The following SCHIP1 variants were observed in gnomAD, a reference collection of about 807,000 sequenced individuals.
The protein encoded by SCHIP1 is schwannomin interacting protein 1.
In SCHIP1, 8 loss-of-function variants were observed where a neutral mutation model predicts 29.7. The observed-to-expected ratio is 0.27, with a 90% CI of 0.16 to 0.49. SCHIP1 has a LOEUF of 0.49. SCHIP1 is among the 20% of genes least tolerant of loss of function. The probability of loss-of-function intolerance (pLI) is 0.99; values close to 1 mark genes in which losing one functional copy is unlikely to be tolerated. For synonymous variants in SCHIP1, 76 were observed against 94.9 expected, an observed-to-expected ratio of 0.80 and a Z score of 1.16; for missense variants, 193 against 294.6, an observed-to-expected ratio of 0.66 and a Z score of 2.52.
At chr3:159,586,756 C>A in the SCHIP1 span, among the ~76,000 whole-genome samples, 12 of 152,154 alleles carry the variant, frequency 7.9e-5, no homozygotes, top group African/African-American at 2.6e-4. Flanking sequence ...TCTGCAGACC[C>A]CATGGCTGCT....
At chr3:159,663,768 C>T in the SCHIP1 span, among the ~76,000 whole-genome samples, 7 of 152,068 alleles carry the variant, frequency 4.6e-5, no homozygotes, top group African/African-American at 1.2e-4. Flanking sequence ...GGACAAGCCC[C>T]GGGACAGAAA....
At chr3:159,468,480 A>G in the SCHIP1 span, among the ~76,000 whole-genome samples, 1 of 151,968 alleles carries the variant, frequency 6.6e-6, no homozygotes, top group African/African-American at 2.4e-5. Context: ...TAATTTTTAT[A>G]AAGTACTCAT....
the SCHIP1 span, among the ~76,000 whole-genome samples, chr3:159,655,732 A>C: frequency 6.6e-6 from 1 of 152,090 alleles, no homozygotes; most frequent in African/African-American, 2.4e-5. Context: ...TACTAAATAT[A>C]CAAAAAATTA....
At chr3:159,457,551 T>A in the SCHIP1 span, among the ~76,000 whole-genome samples, 1 of 152,106 alleles carries the variant, frequency 6.6e-6, no homozygotes, top group Non-Finnish European at 1.5e-5. Flanking sequence ...ATAAAGAGAA[T>A]GTTTAGTTTT....
chr3:159,376,755 C>T, the SCHIP1 span, among the ~76,000 whole-genome samples: 1 of 152,166 alleles, frequency 6.6e-6, no homozygotes, highest in Non-Finnish European at 1.5e-5. Flanking sequence ...GATTCTGGTA[C>T]TTGCCCACCT....
the SCHIP1 span, among the ~76,000 whole-genome samples, chr3:159,392,673 T>C: frequency 2.0e-5 from 3 of 152,024 alleles, no homozygotes; most frequent in Non-Finnish European, 2.9e-5. Context: ...TAGTATTCCA[T>C]GGTGTATATG....
chr3:159,893,133 G>A (rs1425136604), intron 6 of SCHIP1: 1 of 148,462 alleles, frequency 6.7e-6, no homozygotes, highest in Admixed American at 6.6e-5. Context: ...TGTAATGCTG[G>A]GTAAAATAAT....
intron 6 of SCHIP1, among the ~76,000 whole-genome samples, chr3:159,895,375 A>G (rs1717960436): frequency 6.6e-6 from 1 of 152,198 alleles, no homozygotes; most frequent in Non-Finnish European, 1.5e-5. Flanking sequence ...GTTCAACTTG[A>G]CATCACTGAC....
At chr3:159,871,188 T>A (rs1463902710) in intron 2 of SCHIP1, among the ~76,000 whole-genome samples, 2 of 152,060 alleles carry the variant, frequency 1.3e-5, no homozygotes. Context: ...TGCCCACCAA[T>A]AACTAAGTAT....
chr3:159,321,855 T>G, the SCHIP1 span, among the ~76,000 whole-genome samples: 1 of 152,134 alleles, frequency 6.6e-6, no homozygotes, highest in African/African-American at 2.4e-5. Context: ...ATAATGAAGA[T>G]TTTGAATTTC....
chr3:159,594,657 C>T, the SCHIP1 span, among the ~76,000 whole-genome samples: 1 of 152,144 alleles, frequency 6.6e-6, no homozygotes, highest in Non-Finnish European at 1.5e-5. Context: ...TCTAGAAAAT[C>T]CATTAATAAC....
chr3:159,567,289 A>G, the SCHIP1 span, among the ~76,000 whole-genome samples: 10 of 152,114 alleles, frequency 6.6e-5, no homozygotes, highest in Non-Finnish European at 1.5e-4. Flanking sequence ...TGACTTGTCT[A>G]CTTTGTTCCT....
chr3:159,283,234 C>T, the SCHIP1 span, among the ~76,000 whole-genome samples: 1 of 152,152 alleles, frequency 6.6e-6, no homozygotes, highest in African/African-American at 2.4e-5. Flanking sequence ...CTCACTGCAA[C>T]CTCCGCCTCC....
chr3:159,273,472 A>T, the SCHIP1 span: 1 of 1,073,944 alleles, frequency 9.3e-7, no homozygotes, highest in South Asian at 3.4e-5. Context: ...TTCTGCATTA[A>T]GATCAAGAAC....
the SCHIP1 span, among the ~76,000 whole-genome samples, chr3:159,824,269 AT>A: frequency 6.6e-6 from 1 of 152,212 alleles, no homozygotes; most frequent in African/African-American, 2.4e-5. Flanking sequence ...TCTTTAGAGC[AT>A]TTCTTACCTG....
the SCHIP1 span, among the ~76,000 whole-genome samples, chr3:159,769,731 C>T: frequency 0.012 from 1,884 of 152,154 alleles, 44 homozygotes; most frequent in African/African-American, 0.043. Context: ...GCCTGGGTGA[C>T]AAGAGTGAAG....
chr3:159,608,415 A>G, the SCHIP1 span, among the ~76,000 whole-genome samples: 8 of 152,312 alleles, frequency 5.3e-5, no homozygotes, highest in East Asian at 9.6e-4. Context: ...TAGGCCACAA[A>G]CTATTACAAT....
the SCHIP1 span, among the ~76,000 whole-genome samples, chr3:159,719,365 T>A: frequency 1.3e-5 from 2 of 152,106 alleles, no homozygotes; most frequent in African/African-American, 2.4e-5. Flanking sequence ...ATGGCAACAG[T>A]AGCCAAAATT....
chr3:159,824,382 C>T, the SCHIP1 span, among the ~76,000 whole-genome samples: 8 of 152,172 alleles, frequency 5.3e-5, no homozygotes, highest in African/African-American at 1.9e-4. Context: ...ATAACATGGG[C>T]AGGGCAGGCA....
Sources: gnomAD v4.1 joint callset for allele counts (sites outside exome capture counted in the v4.1 genomes callset) on GRCh38, gnomAD v4.1.1 for gene constraint, MANE v1.5 for transcripts, NCBI Gene and HGNC (gene_info 2026-07-23, HGNC 2026-07-21) for gene names.